NXPH1: variants seen among roughly 807,000 people sequenced by gnomAD.
The protein encoded by NXPH1 is neurexophilin 1.
Under a neutral mutation model 23.7 loss-of-function variants are expected in NXPH1, and 5 were observed. The ratio of observed to expected loss-of-function variants is 0.21; its 90% CI spans 0.11 to 0.44. The LOEUF is 0.44. Ranked by LOEUF, NXPH1 falls within the 20% of genes least tolerant of loss-of-function variation. The pLI, the probability that NXPH1 is intolerant of heterozygous loss-of-function variation, is 0.99. For missense variants in NXPH1, 324 were observed against 321.6 expected, an observed-to-expected ratio of 1.01 and a Z score of -0.06; for synonymous variants, 144 against 122.2, an observed-to-expected ratio of 1.18 and a Z score of -1.18.
chr7:8,460,972 T>G (rs1458065168), intron 2 of NXPH1, among the ~76,000 whole-genome samples: 1 of 152,218 alleles, frequency 6.6e-6, no homozygotes, highest in African/African-American at 2.4e-5. Context: ...TCCCTTACTT[T>G]TGGCTATTTG....
chr7:8,522,025 A>AT (rs1434891113), intron 2 of NXPH1, among the ~76,000 whole-genome samples: 4 of 152,334 alleles, frequency 2.6e-5, no homozygotes, highest in African/African-American at 9.6e-5. Flanking sequence ...AAAAAGAAAG[A>AT]TAAACTTTGT....
chr7:8,538,205 G>A (rs1452001166), intron 2 of NXPH1, among the ~76,000 whole-genome samples: 3 of 151,948 alleles, frequency 2.0e-5, no homozygotes, highest in East Asian at 2.0e-4. Flanking sequence ...AATATTAAAT[G>A]TCATGTGACT....
intron 2 of NXPH1, among the ~76,000 whole-genome samples, chr7:8,703,866 G>A (rs1779665034): frequency 6.6e-6 from 1 of 151,854 alleles, no homozygotes; most frequent in Admixed American, 6.6e-5. Flanking sequence ...ATTTCACCTG[G>A]GGAACTTGCA....
intron 2 of NXPH1, among the ~76,000 whole-genome samples, chr7:8,535,310 A>G (rs1818010976): frequency 6.6e-6 from 1 of 152,140 alleles, no homozygotes; most frequent in South Asian, 2.1e-4. Flanking sequence ...AAATTTAGAG[A>G]TACATAATAG....
At chr7:8,436,638 G>T (rs1816201054) in intron 2 of NXPH1, among the ~76,000 whole-genome samples, 1 of 152,154 alleles carries the variant, frequency 6.6e-6, no homozygotes, top group African/African-American at 2.4e-5. Flanking sequence ...GGGAATGGGG[G>T]AATGGGGGTA....
intron 2 of NXPH1, among the ~76,000 whole-genome samples, chr7:8,436,664 C>T (rs1251347849): frequency 6.6e-6 from 1 of 152,186 alleles, no homozygotes; most frequent in Non-Finnish European, 1.5e-5. Context: ...CACTTGTGCC[C>T]TGCTGGTGAA....
chr7:8,446,072 A>T (rs1030234395), intron 2 of NXPH1, among the ~76,000 whole-genome samples: 2 of 152,236 alleles, frequency 1.3e-5, no homozygotes, highest in African/African-American at 4.8e-5. Flanking sequence ...TTACATTCAC[A>T]ATCTCTTACT....
At chr7:8,659,608 C>G (rs10269895) in intron 2 of NXPH1, among the ~76,000 whole-genome samples, 1,729 of 151,946 alleles carry the variant, frequency 0.011, 29 homozygotes, top group African/African-American at 0.04. Flanking sequence ...GGGAGGGATA[C>G]CATTAGGAGA....
intron 2 of NXPH1, among the ~76,000 whole-genome samples, chr7:8,614,170 C>T (rs1235423696): frequency 6.6e-6 from 1 of 151,774 alleles, no homozygotes; most frequent in East Asian, 1.9e-4. Flanking sequence ...ATTGACTCGT[C>T]TCCCTTTGTT....
At chr7:8,657,802 T>C (rs1300893803) in intron 2 of NXPH1, among the ~76,000 whole-genome samples, 1 of 152,026 alleles carries the variant, frequency 6.6e-6, no homozygotes, top group Admixed American at 6.6e-5. Context: ...CCAAGGGAGG[T>C]GCATCACCTG....
intron 2 of NXPH1, among the ~76,000 whole-genome samples, chr7:8,715,341 C>G (rs1006995349): frequency 6.6e-5 from 10 of 152,170 alleles, no homozygotes; most frequent in African/African-American, 1.9e-4. Context: ...TTGAGATTGT[C>G]TTTCTTATTC....
At chr7:8,537,165 C>T (rs1380211383) in intron 2 of NXPH1, among the ~76,000 whole-genome samples, 2 of 151,882 alleles carry the variant, frequency 1.3e-5, no homozygotes, top group South Asian at 2.1e-4. Flanking sequence ...ATTACCTGGA[C>T]GGATGAACGG....
In NXPH1 at chr7:8,435,536, C is replaced by A; in HGVS notation, c.-110-68C>A. 3.5e-6 allele frequency: 2 copies of A among 579,492 alleles called. No homozygotes were observed. The highest frequency in any genetic ancestry group is 3.1e-6 in the Non-Finnish European group (1 of 319,660). The allele number at this position is 579,492 out of a possible 1,614,324, so 35.9% of individuals were successfully genotyped here. A position where few individuals can be genotyped will look rare whatever the true frequency, so the allele number is the denominator to read the frequency against. On this transcript the variant is annotated intron_variant, in intron 1 of 2. Transcript: ENST00000405863. The surrounding 1 kb of genome is among the most constrained non-coding windows in gnomAD (Gnocchi z 5.9). The stretch of plus-strand genomic sequence containing the variant: ...CCCACTCCCCGCTACGACCCCCTTT[C>A]CCCGCTTGATTGTCAAGCCTAACCT...
chr7:8,648,218 C>G (rs918355187), intron 2 of NXPH1, among the ~76,000 whole-genome samples: 7 of 152,062 alleles, frequency 4.6e-5, no homozygotes, highest in Non-Finnish European at 8.8e-5. Flanking sequence ...TTATTTTTGA[C>G]TATAGTCACC....
intron 2 of NXPH1, among the ~76,000 whole-genome samples, chr7:8,448,489 G>A (rs930967411): frequency 3.3e-5 from 5 of 152,158 alleles, no homozygotes; most frequent in African/African-American, 1.2e-4. Flanking sequence ...TGTATTTAGA[G>A]TGGATAGTTA....
At position 8,752,590 on chromosome 7, in the gene NXPH1, G is replaced by A. The variant is rs1459202568; in HGVS notation, c.*821G>A. On this transcript the variant is annotated 3_prime_UTR_variant, in exon 3 of 3. Transcript: ENST00000405863. ...AAGGGAAATGCCTGGCAGACACCAT[G>A]TAAGTTATAAGTGTCTGTCTTATCT... 1 of 152,510 alleles carries A rather than the reference G, an allele frequency of 6.6e-6. No homozygotes were observed. Among genetic ancestry groups the A allele is most frequent in the Non-Finnish European group, 1.5e-5 (1 of 68,022 alleles). 9.4% of individuals were successfully genotyped at this position (152,510 alleles called of 1,614,324 possible).
rs1173617814 is a variant in NXPH1 at position 8,587,465 on chromosome 7, A to C, written c.54+151698A>C. Among the ~76,000 whole-genome samples, 3 of 152,052 alleles carry C rather than the reference A, an allele frequency of 2.0e-5. No homozygotes were observed. In the East Asian group the frequency reaches 5.8e-4, roughly 29 times the overall value. The stretch of plus-strand genomic sequence containing the variant: ...ATAGCTGGGACTATAGGTGCATGCC[A>C]CTGTTTCTGGCTTCAGGAGATAATC... On this transcript the variant is annotated intron_variant, in intron 2 of 2. Coordinates refer to ENST00000405863, the MANE Select transcript of NXPH1 (RefSeq NM_152745.3).
At chr7:8,719,059 G>T (rs1408618576) in intron 2 of NXPH1, among the ~76,000 whole-genome samples, 2 of 152,152 alleles carry the variant, frequency 1.3e-5, no homozygotes, top group African/African-American at 2.4e-5. Context: ...TAAAAATATG[G>T]GTGGAGAGAA....
In NXPH1 at chr7:8,435,760, T is replaced by C. The variant is rs2128603380; in HGVS notation, c.47T>C (p.Val16Ala). 6.2e-7 allele frequency: 1 copy of C among 1,613,954 alleles called. No individual in the cohort carries two copies. Among genetic ancestry groups the C allele is most frequent in the East Asian group, 2.2e-5 (1 of 44,864 alleles). The change falls in exon 2 of 3, where the codon GTC becomes GCC. Residue 16 changes from valine (V) to alanine (A), a missense_variant. By Grantham distance (64) the Val-to-Ala change is moderately conservative. Transcript: ENST00000405863. The surrounding 1 kb of genome is among the most constrained non-coding windows in gnomAD (Gnocchi z 5.9). ...GTGCTTTTCCTCCTGCAGCCCACCG[T>C]CTACTTGGTAAGTCTTGGAAGGTTC... is the stretch of plus-strand genomic sequence containing the variant. ...WYVLFLLQPT[V>A]YLVTCANLTN... is the part of the protein sequence containing the mutation.
Sources: gnomAD v4.1 joint callset for allele counts (sites outside exome capture counted in the v4.1 genomes callset) on GRCh38, gnomAD v4.1.1 for gene constraint, Gnocchi (gnomAD v3.1) non-coding constraint, MANE v1.5 for transcripts, NCBI Gene and HGNC (gene_info 2026-07-23, HGNC 2026-07-21) for gene names.